Variants in DRC12 observed in about 807,000 individuals in gnomAD.
DRC12 encodes the protein dynein regulatory complex protein 12.
the DRC12 span, among the ~76,000 whole-genome samples, chr11:119,194,515 CAAAAA>C: frequency 6.2e-4 from 17 of 27,488 alleles, no homozygotes; most frequent in East Asian, 0.044. Context: ...GACTCTGTCT[CAAAAA>C]AAAAAAAAAA....
chr11:119,194,682 G>A, the DRC12 span, among the ~76,000 whole-genome samples: 5 of 151,412 alleles, frequency 3.3e-5, no homozygotes, highest in Middle Eastern at 3.2e-3. Context: ...ACTCCAGCCC[G>A]GGCAATAGAG....
At chr11:119,190,652 G>A in the DRC12 span, 1 of 1,585,288 alleles carries the variant, frequency 6.3e-7, no homozygotes, top group East Asian at 2.2e-5. The surrounding 1 kb of genome is among the most constrained non-coding windows in gnomAD (Gnocchi z 4.2). Context: ...GCTGGGGTTT[G>A]TGGGCATGGG....
At chr11:119,195,750 G>C in the DRC12 span, 2 of 418,522 alleles carry the variant, frequency 4.8e-6, no homozygotes, top group Non-Finnish European at 8.6e-6. Context: ...CGAAATCCCT[G>C]TACCTGCTCC....
the DRC12 span, among the ~76,000 whole-genome samples, chr11:119,192,570 G>C: frequency 6.6e-6 from 1 of 152,188 alleles, no homozygotes; most frequent in African/African-American, 2.4e-5. Flanking sequence ...TTGCTCACAA[G>C]AGACATGGCA....
the DRC12 span, among the ~76,000 whole-genome samples, chr11:119,192,795 C>T: frequency 3.8e-4 from 58 of 152,182 alleles, no homozygotes; most frequent in Admixed American, 5.2e-4. Flanking sequence ...TACAGGTGTG[C>T]GCCACCACAT....
chr11:119,193,857 G>A, the DRC12 span: 1 of 1,551,522 alleles, frequency 6.4e-7, no homozygotes, highest in African/African-American at 1.4e-5. Context: ...CGGAAGCCTT[G>A]GCTCGACGGG....
the DRC12 span, among the ~76,000 whole-genome samples, chr11:119,194,395 T>C: frequency 1.3e-5 from 2 of 151,292 alleles, no homozygotes; most frequent in African/African-American, 2.4e-5. Context: ...GTGCCTGTAA[T>C]CCCAGCTACT....
chr11:119,194,018 TTTG>T, the DRC12 span: 9 of 868,896 alleles, frequency 1.0e-5, no homozygotes, highest in Non-Finnish European at 1.4e-5. Flanking sequence ...CTCTCTGGGT[TTTG>T]TTGTTTTTGT....
At chr11:119,192,937 C>T in the DRC12 span, among the ~76,000 whole-genome samples, 24 of 152,328 alleles carry the variant, frequency 1.6e-4, no homozygotes, top group East Asian at 9.6e-4. Context: ...TGAGCCACCG[C>T]GCCTGGAGCC....
the DRC12 span, chr11:119,190,929 A>C: frequency 1.4e-6 from 2 of 1,471,788 alleles, no homozygotes; most frequent in Non-Finnish European, 1.8e-6. The surrounding 1 kb of genome is among the most constrained non-coding windows in gnomAD (Gnocchi z 4.2). Context: ...GAGACCTCAA[A>C]TGGGCTCGTT....
the DRC12 span, chr11:119,195,000 G>A: frequency 1.6e-5 from 25 of 1,549,654 alleles, no homozygotes; most frequent in Non-Finnish European, 2.1e-5. Context: ...TGCACCTGCG[G>A]TGGCAAGTGG....
At chr11:119,193,131 T>C in the DRC12 span, 1 of 1,606,156 alleles carries the variant, frequency 6.2e-7, no homozygotes, top group Non-Finnish European at 8.5e-7. Flanking sequence ...AGAAGGGGCT[T>C]GGAGGGTGGG....
chr11:119,192,923 G>A, the DRC12 span, among the ~76,000 whole-genome samples: 2 of 152,196 alleles, frequency 1.3e-5, no homozygotes, highest in Non-Finnish European at 2.9e-5. Context: ...TGGGATTACA[G>A]GCCTGAGCCA....
At chr11:119,192,272 G>A in the DRC12 span, among the ~76,000 whole-genome samples, 3 of 152,162 alleles carry the variant, frequency 2.0e-5, no homozygotes, top group Non-Finnish European at 4.4e-5. Flanking sequence ...CACCGCACCC[G>A]GTTGAAGGCA....
At chr11:119,190,580 A>G in the DRC12 span, 2 of 1,548,816 alleles carry the variant, frequency 1.3e-6, no homozygotes, top group South Asian at 1.2e-5. The surrounding 1 kb of genome is among the most constrained non-coding windows in gnomAD (Gnocchi z 4.2). Context: ...CCCTCAGGAT[A>G]GAGCAGGGCT....
the DRC12 span, chr11:119,190,553 C>A: frequency 6.4e-7 from 1 of 1,558,906 alleles, no homozygotes; most frequent in South Asian, 1.1e-5. The surrounding 1 kb of genome is among the most constrained non-coding windows in gnomAD (Gnocchi z 4.2). Flanking sequence ...TAGACATGGT[C>A]GTATCCCCTC....
the DRC12 span, chr11:119,190,810 C>T: frequency 8.7e-6 from 14 of 1,613,532 alleles, no homozygotes; most frequent in Admixed American, 1.0e-4. This position sits in a 1 kb window ranked among gnomAD's most constrained non-coding sequence, Gnocchi z 4.2. Flanking sequence ...AGCCTCTTCC[C>T]GGGCAGCTGC....
the DRC12 span, among the ~76,000 whole-genome samples, chr11:119,194,528 A>AT: frequency 7.4e-5 from 10 of 135,856 alleles, 1 homozygote; most frequent in African/African-American, 2.2e-4. Context: ...AAAAAAAAAA[A>AT]AAAAAAAAAA....
At chr11:119,193,817 C>A in the DRC12 span, 3 of 1,551,728 alleles carry the variant, frequency 1.9e-6, no homozygotes, top group Non-Finnish European at 2.6e-6. Flanking sequence ...TCAGCCTCCA[C>A]CCCTTGCAGC....
Sources: gnomAD v4.1 joint callset for allele counts (sites outside exome capture counted in the v4.1 genomes callset) on GRCh38, gnomAD v4.1.1 for gene constraint, Gnocchi (gnomAD v3.1) non-coding constraint, MANE v1.5 for transcripts, NCBI Gene and HGNC (gene_info 2026-07-23, HGNC 2026-07-21) for gene names.